The following PTPN13 variants were observed in gnomAD, a reference collection of about 807,000 sequenced individuals.
PTPN13 encodes the protein protein tyrosine phosphatase non-receptor type 13.
PTPN13 carries 191 observed loss-of-function variants against 284.0 expected under a neutral mutation model. The observed-to-expected ratio is 0.67, with a 90% CI of 0.60 to 0.76. PTPN13 has a LOEUF of 0.76. Among genes scored for constraint, PTPN13 ranks in the 30% least tolerant of loss-of-function variants. The pLI is 0.00. For missense variants in PTPN13, 2,797 were observed against 2,939.9 expected (o/e 0.95, Z 1.12); for synonymous variants, 986 against 1,022.3 (o/e 0.96, Z 0.68).
Position 86,735,723 on chromosome 4 carries a change from G to C in PTPN13, c.2281G>C (p.Glu761Gln), listed in dbSNP as rs373598875. ...HNTYVGASEK[E>Q]TELEFLKVCQ... ...TACCTATGTGGGAGCTTCTGAAAAA[G>C]AGACAGAGTTAGAATTTTTAAAGGT... The change falls in exon 15 of 48, where the codon GAG (glutamate) becomes CAG (glutamine). Residue 761 changes from glutamate to glutamine, a missense_variant. Transcript: ENST00000411767. The C allele has an allele frequency of 4.3e-5, 70 of 1,610,642 alleles. No individual in the cohort carries two copies. The highest frequency in any genetic ancestry group is 5.9e-5 in the Non-Finnish European group (69 of 1,179,068).
intron 7 of PTPN13, among the ~76,000 whole-genome samples, chr4:86,705,000 G>A (rs1158399078): frequency 6.6e-6 from 1 of 152,200 alleles, no homozygotes; most frequent in Non-Finnish European, 1.5e-5. Flanking sequence ...TGAGTAACTT[G>A]CTGGTCTTAT....
At chr4:86,633,937 G>A (rs1255008834) in intron 1 of PTPN13, among the ~76,000 whole-genome samples, 1 of 152,142 alleles carries the variant, frequency 6.6e-6, no homozygotes, top group Non-Finnish European at 1.5e-5. Context: ...TTTTAAAGCA[G>A]TATCTTATAG....
chr4:86,734,106 A>G (rs560036592), intron 12 of PTPN13, among the ~76,000 whole-genome samples, 197 bp from the exon 13 acceptor site: 18 of 152,308 alleles, frequency 1.2e-4, no homozygotes, highest in Admixed American at 6.5e-4. Flanking sequence ...TAGAGCCGCC[A>G]TTCTTAAAAG....
At chr4:86,782,390 G>T in intron 37 of PTPN13, 128 bp downstream of exon 37, 2 of 890,708 alleles carry the variant, frequency 2.2e-6, no homozygotes, top group Non-Finnish European at 3.5e-6. Context: ...TAATAGTAAG[G>T]CTATATTTTA....
chr4:86,808,654 C>T (rs888279746), intron 45 of PTPN13, among the ~76,000 whole-genome samples: 8 of 152,204 alleles, frequency 5.3e-5, no homozygotes, highest in Admixed American at 4.6e-4. Flanking sequence ...TATTGATTTA[C>T]ACTAGCTTAC....
intron 37 of PTPN13, 147 bp from the exon 38 acceptor site, chr4:86,784,318 T>C: frequency 1.8e-6 from 1 of 558,034 alleles, no homozygotes; most frequent in Non-Finnish European, 3.1e-6. Flanking sequence ...ATTGCACTGA[T>C]ATTTCCTTTC....
At chr4:86,744,338 A>G (rs541183701) in intron 16 of PTPN13, among the ~76,000 whole-genome samples, 2 of 152,178 alleles carry the variant, frequency 1.3e-5, no homozygotes, top group Non-Finnish European at 1.5e-5. Flanking sequence ...AGTAGAACAC[A>G]TATTTATTAT....
intron 6 of PTPN13, among the ~76,000 whole-genome samples, chr4:86,696,079 C>A (rs954738447): frequency 5.3e-5 from 8 of 151,936 alleles, no homozygotes; most frequent in African/African-American, 1.9e-4. Flanking sequence ...TTAATTGTTA[C>A]ATATTATTTT....
intron 2 of PTPN13, among the ~76,000 whole-genome samples, chr4:86,638,477 A>G (rs192645284): frequency 8.7e-4 from 133 of 152,316 alleles, no homozygotes; most frequent in Non-Finnish European, 1.8e-4. Context: ...GTACCACAAC[A>G]GAGATATAGA....
chr4:86,814,618 T>C lies in PTPN13; in HGVS notation c.*67T>C. ...ACCTCCAGCAGACTCCTGCTCTCTA[T>C]CCAAAATAAAGATCACAGAGCAGCA... On this transcript the variant is annotated 3_prime_UTR_variant, in exon 48 of 48. Transcript: ENST00000411767. The C allele has an allele frequency of 7.7e-7, 1 of 1,304,948 alleles. No individual in the cohort carries two copies. The highest frequency in any genetic ancestry group is 1.1e-6 in the Non-Finnish European group (1 of 916,284). The allele number at this position is 1,304,948 out of a possible 1,614,324, so 80.8% of individuals were successfully genotyped here. A position where few individuals can be genotyped will look rare whatever the true frequency, so the allele number is the denominator to read the frequency against.
intron 2 of PTPN13, among the ~76,000 whole-genome samples, chr4:86,658,864 A>G (rs1161190602): frequency 6.6e-6 from 1 of 152,204 alleles, no homozygotes; most frequent in East Asian, 1.9e-4. Flanking sequence ...AGGACACCAT[A>G]AACAAGGAGA....
chr4:86,814,774 CA>C lies in PTPN13; in HGVS notation c.*226del, dbSNP rs889485103. The C allele has an allele frequency of 1.5e-4, 67 of 453,968 alleles. No homozygotes were observed. The highest frequency in any genetic ancestry group is 1.2e-3 in the African/African-American group (62 of 51,012). The allele number at this position is 453,968 out of a possible 1,614,324, so 28.1% of individuals were successfully genotyped here. A position where few individuals can be genotyped will look rare whatever the true frequency, so the allele number is the denominator to read the frequency against. ...TTATTTACAAAATTTTAACACTAACCAAACAATGCAGATCTTAGGGATGATT... is the reference window on the plus strand; with the variant it reads ...TTATTTACAAAATTTTAACACTAACCAACAATGCAGATCTTAGGGATGATT... On this transcript the variant is annotated 3_prime_UTR_variant, in exon 48 of 48. Transcript: ENST00000411767.
intron 3 of PTPN13, among the ~76,000 whole-genome samples, chr4:86,681,981 A>G (rs546415583): frequency 3.0e-4 from 46 of 152,316 alleles, no homozygotes; most frequent in Non-Finnish European, 5.4e-4. Flanking sequence ...TACAATGTAT[A>G]TAATGTAAGT....
chr4:86,684,886 A>G (rs1011651227), intron 3 of PTPN13, among the ~76,000 whole-genome samples: 2 of 152,228 alleles, frequency 1.3e-5, no homozygotes, highest in Admixed American at 6.5e-5. Context: ...AGGAAAGATG[A>G]TTACTTATAA....
intron 3 of PTPN13, among the ~76,000 whole-genome samples, chr4:86,676,839 GTGAT>G (rs1220805302): frequency 6.6e-6 from 1 of 152,154 alleles, no homozygotes; most frequent in African/African-American, 2.4e-5. Flanking sequence ...AAGTAGAAAG[GTGAT>G]TGCCAAGGAC....
chr4:86,729,008 C>T (rs553413912), intron 10 of PTPN13, among the ~76,000 whole-genome samples: 1 of 148,992 alleles, frequency 6.7e-6, no homozygotes, highest in East Asian at 1.9e-4. Flanking sequence ...TTTAGTGCTT[C>T]CTTCAGGAAT....
chr4:86,694,126 CTAAA>C (rs1730337097), intron 6 of PTPN13, among the ~76,000 whole-genome samples: 1 of 150,582 alleles, frequency 6.6e-6, no homozygotes, highest in African/African-American at 2.4e-5. Context: ...TAATAACTCA[CTAAA>C]TAGATTTTAT....
chr4:86,784,433 A>C (rs1241015867), intron 37 of PTPN13, 32 bp from the exon 38 acceptor site: 6 of 1,468,814 alleles, frequency 4.1e-6, no homozygotes, highest in East Asian at 2.3e-5. Flanking sequence ...GTAAAATACT[A>C]TCTGATGATT....
chr4:86,813,698 A>G (rs1428730442), intron 47 of PTPN13, among the ~76,000 whole-genome samples: 1 of 152,220 alleles, frequency 6.6e-6, no homozygotes, highest in African/African-American at 2.4e-5. Flanking sequence ...GATTACAGGC[A>G]TGAACCACCA....
Sources: allele counts gnomAD v4.1 joint callset (sites outside exome capture counted in the v4.1 genomes callset), GRCh38; gene constraint gnomAD v4.1.1; transcripts MANE v1.5; gene names NCBI Gene and HGNC (gene_info 2026-07-23, HGNC 2026-07-21).